The following MIX23 variants were observed in gnomAD, a reference collection of about 807,000 sequenced individuals.
The protein encoded by MIX23 is protein MIX23.
A neutral mutation model predicts 21.6 loss-of-function variants in MIX23; 13 were observed. The observed-to-expected ratio is 0.60, with a 90% CI of 0.39 to 0.96. MIX23 has a LOEUF of 0.96. Ranked by LOEUF, MIX23 falls within the 40% of genes least tolerant of loss-of-function variation. The probability of loss-of-function intolerance (pLI) is 0.00; values close to 1 mark genes in which losing one functional copy is unlikely to be tolerated. For missense variants in MIX23, 144 were observed against 171.2 expected (o/e 0.84, Z 0.89); for synonymous variants, 59 against 58.0 (o/e 1.02, Z -0.08).
intron 1 of MIX23, among the ~76,000 whole-genome samples, chr3:122,376,727 C>G (rs12633068): frequency 0.21 from 32,614 of 152,070 alleles, 4,115 homozygotes; most frequent in Non-Finnish European, 0.27. Flanking sequence ...AATCAAATAC[C>G]AAATGTGCTT....
intron 2 of MIX23, among the ~76,000 whole-genome samples, chr3:122,371,180 G>A (rs771546094): frequency 2.0e-5 from 3 of 152,206 alleles, no homozygotes; most frequent in Non-Finnish European, 2.9e-5. Context: ...AGAAACCAAA[G>A]CCTCAGGAAA....
chr3:122,362,982 C>A lies in MIX23; in HGVS notation c.370G>T (p.Asp124Tyr). 6.2e-7 allele frequency: 1 copy of A among 1,613,178 alleles called. No homozygotes were observed. The highest frequency in any genetic ancestry group is 8.5e-7 in the Non-Finnish European group (1 of 1,179,498). ...TTATTTTATACCTTCCAGCTCCTGTCATTTACCACTTCTTCAACATTCAGT... is the reference window on the plus strand; with the variant it reads ...TTATTTTATACCTTCCAGCTCCTGTAATTTACCACTTCTTCAACATTCAGT... ...SELNVEEVVN[D>Y]RSWKVFNERC... The change falls in exon 4 of 5, where the codon GAC (aspartate) becomes TAC (tyrosine). Residue 124 changes from aspartate to tyrosine, a missense_variant. Transcript: ENST00000291458.
chr3:122,363,934 T>C (rs1215750668), intron 3 of MIX23, among the ~76,000 whole-genome samples: 1 of 151,578 alleles, frequency 6.6e-6, no homozygotes, highest in African/African-American at 2.4e-5. Flanking sequence ...TTCAGGAAAA[T>C]GAGGAGAAAA....
chr3:122,364,070 G>A (rs551539388), intron 3 of MIX23, among the ~76,000 whole-genome samples: 2 of 152,358 alleles, frequency 1.3e-5, no homozygotes, highest in Admixed American at 1.3e-4. Context: ...ATCTGGGCAA[G>A]CATGAATCTG....
chr3:122,376,325 A>G (rs1415436828), intron 1 of MIX23, among the ~76,000 whole-genome samples: 1 of 152,026 alleles, frequency 6.6e-6, no homozygotes, highest in African/African-American at 2.4e-5. Context: ...AGCCACAGAA[A>G]AGAATGAAAT....
At chr3:122,370,271 G>T (rs1576234426) in intron 2 of MIX23, among the ~76,000 whole-genome samples, 2 of 151,928 alleles carry the variant, frequency 1.3e-5, no homozygotes, top group South Asian at 4.1e-4. Flanking sequence ...GGCCAACAGG[G>T]TGAAAACCCT....
chr3:122,374,413 T>C (rs571362868), intron 1 of MIX23, among the ~76,000 whole-genome samples: 1 of 152,336 alleles, frequency 6.6e-6, no homozygotes, highest in African/African-American at 2.4e-5. Context: ...AAGTCCCTGA[T>C]ATAAAATGGC....
chr3:122,365,960 G>C (rs577664764), intron 3 of MIX23, among the ~76,000 whole-genome samples: 1 of 152,106 alleles, frequency 6.6e-6, no homozygotes, highest in South Asian at 2.1e-4. Flanking sequence ...CAGATCACAA[G>C]GTCAGGAGTT....
intron 1 of MIX23, among the ~76,000 whole-genome samples, chr3:122,377,129 TGAG>T (rs1307835475): frequency 1.3e-5 from 2 of 152,278 alleles, no homozygotes; most frequent in East Asian, 3.9e-4. Context: ...TGCAGTGGGC[TGAG>T]ATCACGCCAC....
chr3:122,365,020 T>C (rs1443102269), intron 3 of MIX23, among the ~76,000 whole-genome samples: 1 of 152,178 alleles, frequency 6.6e-6, no homozygotes, highest in Non-Finnish European at 1.5e-5. Context: ...ATTGCAGATA[T>C]TACAGCCAAT....
intron 1 of MIX23, among the ~76,000 whole-genome samples, chr3:122,372,410 C>T (rs560347297): frequency 6.6e-6 from 1 of 151,770 alleles, no homozygotes; most frequent in Non-Finnish European, 1.5e-5. Context: ...CAGTTAAACT[C>T]TGGGAGAAGT....
chr3:122,377,657 T>C (rs896642533), intron 1 of MIX23, among the ~76,000 whole-genome samples: 4 of 152,148 alleles, frequency 2.6e-5, no homozygotes, highest in Non-Finnish European at 4.4e-5. Flanking sequence ...AAGACCAGCC[T>C]GGGCAACACA....
chr3:122,375,195 G>A (rs951378702), intron 1 of MIX23, among the ~76,000 whole-genome samples: 1 of 152,152 alleles, frequency 6.6e-6, no homozygotes, highest in African/African-American at 2.4e-5. Flanking sequence ...GTTGGACTTA[G>A]GATATATTTT....
intron 3 of MIX23, 63 bp from the exon 4 acceptor site, chr3:122,363,090 T>A: frequency 3.6e-6 from 5 of 1,407,062 alleles, no homozygotes; most frequent in Non-Finnish European, 4.9e-6. Flanking sequence ...ACTGAAGTTA[T>A]AAAATTTAAA....
At chr3:122,378,187 C>T (rs1190534521) in intron 1 of MIX23, among the ~76,000 whole-genome samples, 3 of 152,188 alleles carry the variant, frequency 2.0e-5, no homozygotes, top group African/African-American at 2.4e-5. Flanking sequence ...ATCAGTTAGA[C>T]GACTGCAGCA....
chr3:122,362,487 GTT>G (rs561330350), intron 4 of MIX23, among the ~76,000 whole-genome samples: 1 of 144,942 alleles, frequency 6.9e-6, no homozygotes. Context: ...TTTTGTTTTG[GTT>G]TTTTTTTTTG....
intron 3 of MIX23, 61 bp downstream of exon 3, chr3:122,368,115 T>G: frequency 1.3e-6 from 2 of 1,533,430 alleles, no homozygotes; most frequent in Non-Finnish European, 1.8e-6. Context: ...TTAAAAATCT[T>G]ACTTTGAAGG....
At chr3:122,364,211 T>C (rs932818593) in intron 3 of MIX23, among the ~76,000 whole-genome samples, 3 of 152,188 alleles carry the variant, frequency 2.0e-5, no homozygotes, top group Admixed American at 2.0e-4. Context: ...CCTTCTTAGA[T>C]TCAGAACTGG....
intron 4 of MIX23, among the ~76,000 whole-genome samples, chr3:122,360,127 A>G (rs2075347157): frequency 6.6e-6 from 1 of 152,134 alleles, no homozygotes; most frequent in South Asian, 2.1e-4. Context: ...TTTACAAGAC[A>G]ATTCTAGTAT....
Sources: allele counts gnomAD v4.1 joint callset (sites outside exome capture counted in the v4.1 genomes callset), GRCh38; gene constraint gnomAD v4.1.1; transcripts MANE v1.5; gene names NCBI Gene and HGNC (gene_info 2026-07-23, HGNC 2026-07-21).